Variants in SRPX observed in about 807,000 individuals in gnomAD.
SRPX encodes sushi repeat containing protein X-linked, also known as sushi repeat-containing protein SRPX.
A neutral mutation model predicts 38.1 loss-of-function variants in SRPX; 24 were observed. The ratio of observed to expected loss-of-function variants is 0.63; its 90% confidence interval spans 0.46 to 0.89. The LOEUF is 0.89. Ranked by LOEUF, SRPX falls within the 40% of genes least tolerant of loss-of-function variation. The pLI, the probability that SRPX is intolerant of heterozygous loss-of-function variation, is 0.00. For missense variants in SRPX, 416 were observed against 377.8 expected (o/e 1.10, Z -0.84); for synonymous variants, 184 against 153.8 (o/e 1.20, Z -1.45).
At chrX:38,207,753 C>T (rs188632459) in intron 1 of SRPX, among the ~76,000 whole-genome samples, 1 of 112,158 alleles carries the variant, frequency 8.9e-6, no homozygotes, top group African/African-American at 3.2e-5. Flanking sequence ...ATCAAATTGC[C>T]TCTGTTCCCT....
intron 1 of SRPX, among the ~76,000 whole-genome samples, chrX:38,217,150 C>T (rs1318275192): frequency 8.9e-6 from 1 of 112,374 alleles, no homozygotes; most frequent in Non-Finnish European, 1.9e-5. Context: ...TGCTAGGCAC[C>T]GTGGGAAATA....
At chrX:38,212,914 T>C (rs1198639305) in intron 1 of SRPX, among the ~76,000 whole-genome samples, 1 of 111,863 alleles carries the variant, frequency 8.9e-6, no homozygotes, top group Non-Finnish European at 1.9e-5. Context: ...GTCTGTCTCC[T>C]GACCAAGCCC....
intron 1 of SRPX, among the ~76,000 whole-genome samples, chrX:38,215,869 T>C (rs1419970517): frequency 8.9e-6 from 1 of 112,116 alleles, no homozygotes; most frequent in Non-Finnish European, 1.9e-5. Flanking sequence ...CTGGAAACTA[T>C]ACAGCTGGCT....
At chrX:38,203,531 C>A (rs1939153617) in intron 1 of SRPX, among the ~76,000 whole-genome samples, 1 of 113,241 alleles carries the variant, frequency 8.8e-6, no homozygotes, top group Admixed American at 9.2e-5. Flanking sequence ...GTAATCCCAG[C>A]ACTTTGGGAG....
intron 4 of SRPX, among the ~76,000 whole-genome samples, chrX:38,167,915 C>T (rs1340323890): frequency 2.7e-5 from 3 of 111,286 alleles, no homozygotes. Flanking sequence ...CATGCACCAC[C>T]ATGCCTAGCT....
chrX:38,178,821 C>G (rs1346747700), intron 1 of SRPX, among the ~76,000 whole-genome samples: 1 of 111,223 alleles, frequency 9.0e-6, no homozygotes, highest in Non-Finnish European at 1.9e-5. Flanking sequence ...AATCAAATGT[C>G]TTATCTTGAC....
intron 1 of SRPX, 134 bp downstream of exon 1, chrX:38,220,562 G>A (rs1432641138): frequency 2.0e-5 from 20 of 997,890 alleles, no homozygotes; most frequent in Non-Finnish European, 2.2e-5. Context: ...CCCACCCTCG[G>A]GCTGCGAAAG....
At chrX:38,204,989 C>T (rs1173259671) in intron 1 of SRPX, among the ~76,000 whole-genome samples, 1 of 111,261 alleles carries the variant, frequency 9.0e-6, no homozygotes, top group Non-Finnish European at 1.9e-5. Context: ...TAAAAACCAG[C>T]CTGGTTTGGA....
chrX:38,171,438 G>A (rs956248752), intron 4 of SRPX, among the ~76,000 whole-genome samples: 28 of 111,528 alleles, frequency 2.5e-4, no homozygotes, highest in African/African-American at 8.1e-4. Context: ...CCAGAGTAAG[G>A]CAAAATATCC....
chrX:38,169,980 C>T (rs1157644405), intron 4 of SRPX, among the ~76,000 whole-genome samples: 3 of 112,433 alleles, frequency 2.7e-5, no homozygotes, highest in African/African-American at 9.7e-5. Context: ...AGACTTTTTA[C>T]CCTCCTGCAA....
intron 1 of SRPX, among the ~76,000 whole-genome samples, chrX:38,210,227 T>A (rs375669582): frequency 1.9e-4 from 21 of 111,732 alleles, no homozygotes; most frequent in East Asian, 1.1e-3. Context: ...AATGTATATA[T>A]CTACTAGGTT....
chrX:38,216,732 T>C (rs1053000883), intron 1 of SRPX, among the ~76,000 whole-genome samples: 2 of 112,670 alleles, frequency 1.8e-5, no homozygotes, highest in Non-Finnish European at 3.7e-5. Context: ...AAATTCTCTC[T>C]TCACTTTCAA....
chrX:38,185,905 G>C (rs1041936656), intron 1 of SRPX, among the ~76,000 whole-genome samples: 2 of 105,091 alleles, frequency 1.9e-5, no homozygotes, highest in African/African-American at 3.5e-5. Context: ...AAAAGGGGGG[G>C]GGGAGTGAGT....
chrX:38,169,765 C>T (rs1938434678), intron 4 of SRPX, among the ~76,000 whole-genome samples: 2 of 111,728 alleles, frequency 1.8e-5, no homozygotes. Context: ...AAGTGTTGGT[C>T]TAAAGGAGAG....
chrX:38,210,937 G>C (rs1006908053), intron 1 of SRPX, among the ~76,000 whole-genome samples: 1 of 111,611 alleles, frequency 9.0e-6, no homozygotes, highest in Non-Finnish European at 1.9e-5. Context: ...AAGCTCCCAG[G>C]TGAGGCTGGT....
chrX:38,211,349 G>A (rs1047787812), intron 1 of SRPX, among the ~76,000 whole-genome samples: 3 of 111,529 alleles, frequency 2.7e-5, no homozygotes, highest in Non-Finnish European at 5.7e-5. Flanking sequence ...ACACAGAGGC[G>A]GAGCCAGGGA....
At chrX:38,220,633 C>A (rs1033644681) in intron 1 of SRPX, 63 bp downstream of exon 1, 1 of 1,171,293 alleles carries the variant, frequency 8.5e-7, no homozygotes, top group African/African-American at 1.8e-5. Flanking sequence ...GCGAAGGGTC[C>A]CAACGGCGAC....
chrX:38,204,489 A>G (rs151154414), intron 1 of SRPX, among the ~76,000 whole-genome samples: 1,269 of 112,509 alleles, frequency 0.011, 8 homozygotes, highest in Middle Eastern at 0.027. Flanking sequence ...TTACATGGCA[A>G]GTACACCTCA....
At chrX:38,198,872 A>G (rs1939050086) in intron 1 of SRPX, among the ~76,000 whole-genome samples, 1 of 111,231 alleles carries the variant, frequency 9.0e-6, no homozygotes, top group Admixed American at 9.5e-5. Flanking sequence ...AAAGTGCACA[A>G]TTCAATGAAC....
Sources: allele counts gnomAD v4.1 joint callset (sites outside exome capture counted in the v4.1 genomes callset), GRCh38; gene constraint gnomAD v4.1.1; transcripts MANE v1.5; gene names NCBI Gene and HGNC (gene_info 2026-07-23, HGNC 2026-07-21).